SETBP1: variants seen among roughly 807,000 people sequenced by gnomAD.
The protein encoded by SETBP1 is SET binding protein 1.
In SETBP1, 9 loss-of-function variants were observed where a neutral mutation model predicts 101.0. The ratio of observed to expected loss-of-function variants is 0.09; its 90% CI spans 0.05 to 0.16. The LOEUF (loss-of-function observed/expected upper bound fraction) is 0.16. Among genes scored for constraint, SETBP1 ranks in the 10% least tolerant of loss-of-function variants. The pLI, the probability that SETBP1 is intolerant of heterozygous loss-of-function variation, is 1.00. For missense variants in SETBP1, 1,858 were observed against 2,033.8 expected (o/e 0.91, Z 1.66); for synonymous variants, 818 against 788.5 (o/e 1.04, Z -0.63).
chr18:44,787,460 T>C (rs1193083955), intron 2 of SETBP1, among the ~76,000 whole-genome samples: 1 of 152,226 alleles, frequency 6.6e-6, no homozygotes, highest in Non-Finnish European at 1.5e-5. Flanking sequence ...CTCTTCATTT[T>C]ATGAGATAGA....
chr18:44,935,114 T>G (rs1256773508), intron 3 of SETBP1, among the ~76,000 whole-genome samples: 1 of 152,190 alleles, frequency 6.6e-6, no homozygotes, highest in African/African-American at 2.4e-5. Flanking sequence ...TCATCCTGGC[T>G]CTGCCCACCA....
chr18:44,690,960 TC>T (rs1429706339), intron 1 of SETBP1, among the ~76,000 whole-genome samples: 1 of 152,172 alleles, frequency 6.6e-6, no homozygotes, highest in Admixed American at 6.5e-5. Flanking sequence ...TACCTTTTTT[TC>T]CTGCAAGATT....
intron 2 of SETBP1, among the ~76,000 whole-genome samples, chr18:44,704,272 T>C (rs1198922854): frequency 2.0e-5 from 3 of 152,212 alleles, no homozygotes. Flanking sequence ...CCCAAGAAGC[T>C]GGATGCTCTT....
At chr18:44,901,611 C>G (rs2070047695) in intron 3 of SETBP1, among the ~76,000 whole-genome samples, 1 of 152,132 alleles carries the variant, frequency 6.6e-6, no homozygotes, top group African/African-American at 2.4e-5. Flanking sequence ...GCATTTAACC[C>G]ACACAGTGGG....
At chr18:44,995,901 A>G (rs1017348760) in intron 4 of SETBP1, among the ~76,000 whole-genome samples, 4 of 152,238 alleles carry the variant, frequency 2.6e-5, no homozygotes, top group Non-Finnish European at 5.9e-5. Context: ...CCATCTCCCA[A>G]CACCGTTACA....
intron 2 of SETBP1, among the ~76,000 whole-genome samples, chr18:44,809,099 A>C (rs1273190811): frequency 6.6e-6 from 1 of 152,224 alleles, no homozygotes; most frequent in East Asian, 1.9e-4. Context: ...GTCAACAGAG[A>C]AAACAGAGCA....
chr18:44,926,331 G>T (rs1390168427), intron 3 of SETBP1, among the ~76,000 whole-genome samples: 1 of 152,112 alleles, frequency 6.6e-6, no homozygotes, highest in Non-Finnish European at 1.5e-5. Flanking sequence ...ATCAAAGGCT[G>T]GGAGAAAAAA....
At chr18:44,984,938 C>T (rs139776250) in intron 4 of SETBP1, among the ~76,000 whole-genome samples, 6 of 152,216 alleles carry the variant, frequency 3.9e-5, no homozygotes, top group East Asian at 1.9e-4. Context: ...GTCAGGAGTT[C>T]GAGACCAGCC....
intron 2 of SETBP1, among the ~76,000 whole-genome samples, chr18:44,866,519 C>T (rs1329570958): frequency 6.6e-6 from 1 of 152,296 alleles, no homozygotes; most frequent in Non-Finnish European, 1.5e-5. Context: ...TAGAAGCCAT[C>T]GTCTTTTTAG....
chr18:44,811,896 T>C (rs1489429853), intron 2 of SETBP1, among the ~76,000 whole-genome samples: 1 of 152,184 alleles, frequency 6.6e-6, no homozygotes, highest in Non-Finnish European at 1.5e-5. Flanking sequence ...GCAGTTGGCT[T>C]TTCATGCTTT....
At position 44,982,177 on chromosome 18, in the gene SETBP1, T is replaced by A. The variant is rs556137509; in HGVS notation, c.4000+28837T>A. On this transcript the variant is annotated intron_variant, in intron 4 of 5. Coordinates refer to ENST00000649279, the MANE Select transcript of SETBP1 (RefSeq NM_015559.3). ...GCTCTGGAATAAATGACACTTCCAA[T>A]AACATTATCCTATACAGGTGTAAAA... 8.5e-5 allele frequency among the ~76,000 whole-genome samples: 13 copies of A among 152,338 alleles called. No homozygotes were observed. In the South Asian group the frequency reaches 2.7e-3, roughly 32 times the overall value.
intron 2 of SETBP1, among the ~76,000 whole-genome samples, chr18:44,780,100 C>A (rs758989005): frequency 7.9e-5 from 12 of 152,158 alleles, no homozygotes; most frequent in Non-Finnish European, 1.5e-4. Context: ...CTGTACCCAA[C>A]TGTGCAGTCA....
chr18:45,024,627 T>A (rs1308746279), intron 4 of SETBP1, among the ~76,000 whole-genome samples: 6 of 152,206 alleles, frequency 3.9e-5, no homozygotes, highest in Admixed American at 1.3e-4. Flanking sequence ...TCTTAACTCG[T>A]CAGTCTTGCT....
intron 3 of SETBP1, among the ~76,000 whole-genome samples, chr18:44,875,550 A>AAT (rs2069383175): frequency 2.6e-5 from 4 of 151,198 alleles, no homozygotes; most frequent in Non-Finnish European, 5.9e-5. Flanking sequence ...AAAAAAAAAA[A>AAT]AGAAGGAGTG....
At chr18:44,964,671 A>C (rs1258268436) in intron 4 of SETBP1, among the ~76,000 whole-genome samples, 1 of 152,070 alleles carries the variant, frequency 6.6e-6, no homozygotes, top group Non-Finnish European at 1.5e-5. Flanking sequence ...CCCACTGCCC[A>C]GAAATAGCCA....
In SETBP1 at chr18:44,680,993, A is replaced by G. The variant is rs530788492; in HGVS notation, c.-201A>G. ...TAACGTGTCGTTAATAGAAAGAAGA[A>G]CAGGCAAGAAGTGGTCCAGCCGGCG... On this transcript the variant is annotated 5_prime_UTR_variant, in exon 1 of 6. Transcript: ENST00000649279. 1.3e-5 allele frequency: 2 copies of G among 152,340 alleles called. No homozygotes were observed. The highest frequency in any genetic ancestry group is 6.5e-5 in the Admixed American group (1 of 15,296). 9.4% of individuals were successfully genotyped at this position (152,340 alleles called of 1,614,324 possible).
intron 2 of SETBP1, among the ~76,000 whole-genome samples, chr18:44,791,766 C>A (rs1202415339): frequency 6.6e-6 from 1 of 151,932 alleles, no homozygotes; most frequent in Non-Finnish European, 1.5e-5. Flanking sequence ...AGTGAGAGAG[C>A]GCTTACAAAC....
At position 45,053,858 on chromosome 18, in the gene SETBP1, G is replaced by A. The variant is rs73431731; in HGVS notation, c.4172-9221G>A. On this transcript the variant is annotated intron_variant, in intron 5 of 5. Transcript: ENST00000649279. ...TAGTTGGGGTATTATATAAGAGAAGGTATTTATGGTTAAGGATAAAGTGAT... is the reference window on the plus strand; with the variant it reads ...TAGTTGGGGTATTATATAAGAGAAGATATTTATGGTTAAGGATAAAGTGAT... 3.5e-3 allele frequency among the ~76,000 whole-genome samples: 528 copies of A among 152,068 alleles called. 5 individuals carry two copies. The highest frequency in any genetic ancestry group is 0.012 in the African/African-American group (495 of 41,460).
intron 2 of SETBP1, chr18:44,732,498 C>A (rs1433779954): frequency 6.6e-6 from 1 of 152,176 alleles, no homozygotes; most frequent in African/African-American, 2.4e-5. Flanking sequence ...CTATTTCTCA[C>A]CCTTGCAATG....
Sources: gnomAD v4.1 joint callset for allele counts (sites outside exome capture counted in the v4.1 genomes callset) on GRCh38, gnomAD v4.1.1 for gene constraint, MANE v1.5 for transcripts, NCBI Gene and HGNC (gene_info 2026-07-23, HGNC 2026-07-21) for gene names.